The following ANO5 variants were observed in gnomAD, a reference collection of about 807,000 sequenced individuals.
ANO5 encodes the protein anoctamin-5.
In ANO5, 109 loss-of-function variants were observed where a neutral mutation model predicts 121.0. That is an observed-to-expected ratio of 0.90 (90% confidence interval 0.77 to 1.06). The LOEUF (loss-of-function observed/expected upper bound fraction) is 1.06, where lower values mean the gene tolerates loss of function less well. Among genes scored for constraint, ANO5 ranks in the 50% least tolerant of loss-of-function variants. ANO5 has a pLI of 0.00. For missense variants in ANO5, 1,064 were observed against 1,078.5 expected, an observed-to-expected ratio of 0.99 and a Z score of 0.19; for synonymous variants, 406 against 359.9, an observed-to-expected ratio of 1.13 and a Z score of -1.45.
chr11:22,195,277 G>T (rs1345086465), intron 1 of ANO5, among the ~76,000 whole-genome samples: 1 of 152,042 alleles, frequency 6.6e-6, no homozygotes, highest in African/African-American at 2.4e-5. Context: ...AAATTTAGTT[G>T]TATTTTTCAT....
intron 14 of ANO5, among the ~76,000 whole-genome samples, chr11:22,258,245 C>T (rs912527225): frequency 1.3e-5 from 2 of 152,138 alleles, no homozygotes; most frequent in African/African-American, 4.8e-5. Flanking sequence ...CAGTTGTAGA[C>T]TATAGTTTAG....
chr11:22,220,135 A>G (rs1316169866), intron 4 of ANO5, among the ~76,000 whole-genome samples: 1 of 151,950 alleles, frequency 6.6e-6, no homozygotes, highest in African/African-American at 2.4e-5. Context: ...CATAGGGTAC[A>G]ATAAAGGAAA....
In ANO5 at chr11:22,257,725, T is replaced by G. The variant is rs141194047; in HGVS notation, c.1378T>G (p.Phe460Val). 5 of 1,612,720 alleles carry G rather than the reference T, an allele frequency of 3.1e-6. No homozygotes were observed. Among genetic ancestry groups the G allele is most frequent in the Non-Finnish European group, 3.4e-6 (4 of 1,178,964 alleles). Reference protein sequence around the residue: ...MPLYTRIPWYFLSGATVTLWM... With the variant: ...MPLYTRIPWYVLSGATVTLWM... ...TCTATACACGCGTATTCCATGGTAC[T>G]TTCTTTCAGGAGCCACAGTGACATT... The change falls in exon 14 of 22, where the codon TTT becomes GTT. Residue 460 changes from phenylalanine (F) to valine (V), a missense_variant. Coordinates refer to ENST00000324559, the MANE Select transcript of ANO5 (RefSeq NM_213599.3).
chr11:22,228,979 C>T (rs1220289790), intron 7 of ANO5, among the ~76,000 whole-genome samples: 1 of 151,770 alleles, frequency 6.6e-6, no homozygotes, highest in Non-Finnish European at 1.5e-5. Flanking sequence ...GATTTCATTC[C>T]CTTTAGGCAT....
At chr11:22,263,139 G>T in intron 17 of ANO5, 96 bp downstream of exon 17, 1 of 1,005,180 alleles carries the variant, frequency 9.9e-7, no homozygotes, top group Admixed American at 1.9e-5. Flanking sequence ...TGGTGCCTTT[G>T]TTAGAAAATG....
chr11:22,204,824 G>A lies in ANO5; in HGVS notation c.87+974G>A, dbSNP rs141143188. ...AGACCTAAAGATAGAAATACCATTC[G>A]ACCCAGCAATCCCATTACTGGGTAT... On this transcript the variant is annotated intron_variant, in intron 2 of 21. Coordinates refer to ENST00000324559, the MANE Select transcript of ANO5 (RefSeq NM_213599.3). Among the ~76,000 whole-genome samples, 7 of 152,168 alleles carry A rather than the reference G, an allele frequency of 4.6e-5. No individual in the cohort carries two copies. The East Asian group carries it at 5.8e-4, about 13-fold the overall frequency.
intron 6 of ANO5, 52 bp downstream of exon 6, chr11:22,226,104 C>A: frequency 6.9e-7 from 1 of 1,457,750 alleles, no homozygotes; most frequent in South Asian, 1.2e-5. Context: ...GTGTTGTTTT[C>A]TCCTACTCTG....
At position 22,282,427 on chromosome 11, in the gene ANO5, C is replaced by T. The variant is rs1855114539; in HGVS notation, c.*2662C>T. 6.6e-6 allele frequency: 1 copy of T among 152,090 alleles called. No homozygotes were observed. Among genetic ancestry groups the T allele is most frequent in the South Asian group, 2.1e-4 (1 of 4,832 alleles). The allele number at this position is 152,090 out of a possible 1,614,324, so 9.4% of individuals were successfully genotyped here. The stretch of plus-strand genomic sequence containing the variant: ...CTTATTTTTGCTGTGTCTTTTGACA[C>T]CTCTTAGCTTTAACATTCTTCTTTT... On this transcript the variant is annotated 3_prime_UTR_variant, in exon 22 of 22. Coordinates refer to ENST00000324559, the MANE Select transcript of ANO5 (RefSeq NM_213599.3).
intron 17 of ANO5, among the ~76,000 whole-genome samples, chr11:22,266,359 A>T (rs1476666940): frequency 6.6e-6 from 1 of 152,004 alleles, no homozygotes; most frequent in Non-Finnish European, 1.5e-5. Context: ...TCTTTACATC[A>T]TTCATTTTTC....
chr11:22,244,577 C>CT (rs34123612), intron 9 of ANO5, among the ~76,000 whole-genome samples: 4,383 of 131,104 alleles, frequency 0.033, 175 homozygotes, highest in East Asian at 0.22. Flanking sequence ...AGGTTTTGTT[C>CT]TTTTTTTTTT....
intron 19 of ANO5, among the ~76,000 whole-genome samples, chr11:22,273,492 A>G (rs1854707061): frequency 6.6e-6 from 1 of 152,152 alleles, no homozygotes; most frequent in African/African-American, 2.4e-5. Context: ...TATAAGAGAA[A>G]ACAGAATTGA....
rs79827526 is a variant in ANO5, at chr11:22,275,138, T to A, written c.2414+391T>A. ...TACATTTAACTTACTTGAATTTATCTTTGTCCTCAGAAAAGAGAGTGAGAC... is the reference window on the plus strand; with the variant it reads ...TACATTTAACTTACTTGAATTTATCATTGTCCTCAGAAAAGAGAGTGAGAC... On this transcript the variant is annotated intron_variant, in intron 20 of 21. Transcript: ENST00000324559. 2.0e-4 allele frequency among the ~76,000 whole-genome samples: 31 copies of A among 152,110 alleles called. No homozygotes were observed. The East Asian group carries it at 6.0e-3, about 29-fold the overall frequency.
At position 22,274,620 on chromosome 11, in the gene ANO5, T is replaced by C; in HGVS notation, c.2287T>C (p.Tyr763His). The C allele has an allele frequency of 6.2e-7, 1 of 1,613,300 alleles. No individual in the cohort carries two copies. Among genetic ancestry groups the C allele is most frequent in the East Asian group, 2.2e-5 (1 of 44,840 alleles). ...SDIIPRLVYY[Y>H]AYSTNATQPM... Reference sequence around the variant, plus strand: ...CATCATTCCCCGTCTAGTTTACTACTATGCTTACTCAACAAATGCCACACA... The same window carrying C: ...CATCATTCCCCGTCTAGTTTACTACCATGCTTACTCAACAAATGCCACACA... Residue 763 changes from tyrosine (Y) to histidine (H), a missense_variant, in exon 20 of 22, where the codon TAT (tyrosine) becomes CAT (histidine). Tyr to His is a moderately conservative substitution (Grantham distance 83, BLOSUM62 2). Coordinates refer to ENST00000324559, the MANE Select transcript of ANO5 (RefSeq NM_213599.3).
At chr11:22,193,051 GA>G, upstream of ANO5, 2 of 1,023,546 alleles carry the variant, frequency 2.0e-6, no homozygotes, top group Non-Finnish European at 2.3e-6. Context: ...GGGACGCAGC[GA>G]AGGGGAAAGG....
rs576293061 is a variant in ANO5 at position 22,258,723 on chromosome 11, A to G, written c.1408-796A>G. Among the ~76,000 whole-genome samples, 6 of 152,340 alleles carry G rather than the reference A, an allele frequency of 3.9e-5. No individual in the cohort carries two copies. In the East Asian group the frequency reaches 9.6e-4, roughly 24 times the overall value. ...TCTTGATTCTACATCTTTAACTTCA[A>G]TGTAGAGCATGAGTCAGCAAACATT... On this transcript the variant is annotated intron_variant, in intron 14 of 21. Transcript: ENST00000324559.
chr11:22,218,099 C>A (rs1852514096), intron 3 of ANO5, 147 bp from the exon 4 acceptor site: 2 of 223,880 alleles, frequency 8.9e-6, no homozygotes, highest in Non-Finnish European at 8.4e-6. Flanking sequence ...TAATTTGTAT[C>A]CTCCAGTTTG....
intron 21 of ANO5, among the ~76,000 whole-genome samples, chr11:22,278,422 TC>T (rs1332849451): frequency 6.6e-6 from 1 of 151,802 alleles, no homozygotes; most frequent in African/African-American, 2.4e-5. Flanking sequence ...GATTTACACT[TC>T]CTAGTTTGAA....
rs1177124232 is a variant in ANO5 at position 22,239,473 on chromosome 11, C to T, written c.763-96C>T. 1.7e-5 allele frequency: 14 copies of T among 842,972 alleles called. No homozygotes were observed. The Admixed American group carries it at 1.7e-4, about 10-fold the overall frequency. The allele number at this position is 842,972 out of a possible 1,614,324, so 52.2% of individuals were successfully genotyped here. On this transcript the variant is annotated intron_variant, in intron 8 of 21. Coordinates refer to ENST00000324559, the MANE Select transcript of ANO5 (RefSeq NM_213599.3). The stretch of plus-strand genomic sequence containing the variant: ...AATCTAAAAGTAAAAGAAAACATAC[C>T]CTTGTTTACTAACATTCTTAGAACA...
chr11:22,265,995 C>T (rs1854348329), intron 17 of ANO5, among the ~76,000 whole-genome samples: 1 of 152,136 alleles, frequency 6.6e-6, no homozygotes, highest in African/African-American at 2.4e-5. Context: ...AAAAACAATT[C>T]ATTGATGAAA....
Sources: allele counts gnomAD v4.1 joint callset (sites outside exome capture counted in the v4.1 genomes callset), GRCh38; gene constraint gnomAD v4.1.1; transcripts MANE v1.5; gene names NCBI Gene and HGNC (gene_info 2026-07-23, HGNC 2026-07-21).